VTI1A: variants seen among roughly 807,000 people sequenced by gnomAD.
VTI1A encodes vesicle transport through interaction with t-SNAREs homolog 1A.
In VTI1A, 22 loss-of-function variants were observed where a neutral mutation model predicts 34.9. That is an observed-to-expected ratio of 0.63 (90% confidence interval 0.45 to 0.90). VTI1A has a LOEUF of 0.90. Ranked by LOEUF, VTI1A falls within the 40% of genes least tolerant of loss-of-function variation. VTI1A has a pLI of 0.00. For synonymous variants in VTI1A, 87 were observed against 97.3 expected (o/e 0.89, Z 0.62); for missense variants, 268 against 275.6 (o/e 0.97, Z 0.20).
At chr10:112,676,190 T>A (rs975696777) in intron 7 of VTI1A, among the ~76,000 whole-genome samples, 31 of 152,188 alleles carry the variant, frequency 2.0e-4, no homozygotes, top group Non-Finnish European at 3.2e-4. Flanking sequence ...GAATTTTTTT[T>A]AATTAAAAAT....
chr10:112,840,381 GGGCACACCGAA>G, the VTI1A span, among the ~76,000 whole-genome samples: 1 of 152,078 alleles, frequency 6.6e-6, no homozygotes, highest in Non-Finnish European at 1.5e-5. Context: ...CCTCCACTCA[GGGCACACCGAA>G]GGCTTCCCAC....
chr10:112,664,010 C>T (rs1847556192), intron 5 of VTI1A, among the ~76,000 whole-genome samples: 1 of 152,142 alleles, frequency 6.6e-6, no homozygotes, highest in Non-Finnish European at 1.5e-5. Context: ...CTTTTATCTG[C>T]TACTAAAATT....
rs181352301 is a variant in VTI1A, at chr10:112,736,765, A to G, written c.560+67767A>G. ...AACAATGTAACCTGTCTCTGGCCCC[A>G]AAGGCTTGAACCAGAACCAGCCAGT... On this transcript the variant is annotated intron_variant, in intron 7 of 7. Coordinates refer to ENST00000393077, the MANE Select transcript of VTI1A (RefSeq NM_145206.4). 4,402 of 1,543,898 alleles carry G rather than the reference A, an allele frequency of 2.9e-3. 11 individuals carry two copies. Among genetic ancestry groups the G allele is most frequent in the Middle Eastern group, 5.5e-3 (33 of 5,984 alleles).
intron 7 of VTI1A, among the ~76,000 whole-genome samples, chr10:112,676,697 C>G (rs943093692): frequency 3.9e-5 from 6 of 152,186 alleles, no homozygotes; most frequent in African/African-American, 1.2e-4. Flanking sequence ...TTGTCTGTTA[C>G]TTCTACCTGG....
chr10:112,795,477 C>T (rs1320977704), intron 7 of VTI1A, among the ~76,000 whole-genome samples: 3 of 148,552 alleles, frequency 2.0e-5, no homozygotes, highest in Non-Finnish European at 4.4e-5. Flanking sequence ...CTCTGTCACC[C>T]AGGCTGCAGT....
chr10:112,484,985 A>C (rs12415142), intron 3 of VTI1A: 23,754 of 151,986 alleles, frequency 0.16, 2,011 homozygotes, highest in African/African-American at 0.22. Context: ...AGATGCTTTA[A>C]GAATGAAGTT....
chr10:112,744,100 A>G (rs1258810972), intron 7 of VTI1A, among the ~76,000 whole-genome samples: 2 of 152,180 alleles, frequency 1.3e-5, no homozygotes, highest in African/African-American at 2.4e-5. Flanking sequence ...GCCAGTATTC[A>G]CTTGTTTTCT....
At chr10:112,736,227 G>A (rs1850465794) in intron 7 of VTI1A, among the ~76,000 whole-genome samples, 1 of 149,464 alleles carries the variant, frequency 6.7e-6, no homozygotes, top group Admixed American at 6.7e-5. Context: ...TCAGTTGACT[G>A]TCACTCCTCA....
intron 5 of VTI1A, among the ~76,000 whole-genome samples, chr10:112,582,244 A>T (rs1377090100): frequency 6.6e-6 from 1 of 152,144 alleles, no homozygotes; most frequent in Non-Finnish European, 1.5e-5. Context: ...TTATGCGGGC[A>T]CTAATCCATC....
At chr10:112,608,003 G>A (rs530374445) in intron 5 of VTI1A, among the ~76,000 whole-genome samples, 4 of 152,238 alleles carry the variant, frequency 2.6e-5, no homozygotes, top group East Asian at 1.9e-4. Context: ...CATCACTTCC[G>A]CAGTATTCTT....
chr10:112,600,267 T>C (rs991443960), intron 5 of VTI1A, among the ~76,000 whole-genome samples: 39 of 152,328 alleles, frequency 2.6e-4, no homozygotes, highest in African/African-American at 8.9e-4. Flanking sequence ...TTTTTATCCT[T>C]ATTAGCAGCC....
At chr10:112,789,979 A>G (rs1473994495) in intron 7 of VTI1A, among the ~76,000 whole-genome samples, 1 of 145,234 alleles carries the variant, frequency 6.9e-6, no homozygotes. Context: ...GGTTGTTATC[A>G]TGTCATTTTT....
intron 5 of VTI1A, among the ~76,000 whole-genome samples, chr10:112,605,888 A>T (rs1536081): frequency 6.6e-6 from 1 of 152,090 alleles, no homozygotes; most frequent in Admixed American, 6.5e-5. Flanking sequence ...AACTTTTCAC[A>T]CAAAGCTAGA....
chr10:112,546,204 T>C lies in VTI1A; in HGVS notation c.427+7874T>C, dbSNP rs550505827. On this transcript the variant is annotated intron_variant, in intron 5 of 7. Coordinates refer to ENST00000393077, the MANE Select transcript of VTI1A (RefSeq NM_145206.4). Reference sequence around the variant, plus strand: ...ACATACGCACACACATATATATGCATACACACACACACACACACACACATA... The same window carrying C: ...ACATACGCACACACATATATATGCACACACACACACACACACACACACATA... 3.1e-3 allele frequency among the ~76,000 whole-genome samples: 421 copies of C among 136,250 alleles called. 5 individuals carry two copies. The highest frequency in any genetic ancestry group is 0.011 in the African/African-American group (410 of 36,726). 89.4% of individuals were successfully genotyped at this position (136,250 alleles called of 152,430 possible).
At chr10:112,829,004 A>G in the VTI1A span, among the ~76,000 whole-genome samples, 22 of 152,196 alleles carry the variant, frequency 1.4e-4, no homozygotes, top group East Asian at 3.1e-3. Context: ...CTGGCAATTA[A>G]CTGCTGTAGG....
chr10:112,541,940 T>C (rs1226339754), intron 5 of VTI1A, among the ~76,000 whole-genome samples: 1 of 152,334 alleles, frequency 6.6e-6, no homozygotes, highest in East Asian at 1.9e-4. Flanking sequence ...CTTGATCCAG[T>C]GTGGCATTGC....
At chr10:112,511,593 A>G (rs1229818087) in intron 3 of VTI1A, among the ~76,000 whole-genome samples, 1 of 152,018 alleles carries the variant, frequency 6.6e-6, no homozygotes, top group Admixed American at 6.6e-5. Context: ...AATTCAGGTT[A>G]TTTACGGTGC....
intron 7 of VTI1A, among the ~76,000 whole-genome samples, chr10:112,771,204 T>C (rs1460553326): frequency 2.6e-5 from 4 of 152,218 alleles, no homozygotes; most frequent in Admixed American, 6.5e-5. Flanking sequence ...TCCTCATCTT[T>C]AAGTGGAGAG....
chr10:112,580,306 G>A (rs1411205597), intron 5 of VTI1A, among the ~76,000 whole-genome samples: 1 of 152,192 alleles, frequency 6.6e-6, no homozygotes, highest in Admixed American at 6.5e-5. Flanking sequence ...AGAACTTCTG[G>A]AGAATCACCA....
Sources: gnomAD v4.1 joint callset for allele counts (sites outside exome capture counted in the v4.1 genomes callset) on GRCh38, gnomAD v4.1.1 for gene constraint, MANE v1.5 for transcripts, NCBI Gene and HGNC (gene_info 2026-07-23, HGNC 2026-07-21) for gene names.